The following ASPH variants were observed in gnomAD, a reference collection of about 807,000 sequenced individuals.
The protein encoded by ASPH is aspartate beta-hydroxylase.
In ASPH, 100 loss-of-function variants were observed where a neutral mutation model predicts 118.4. The observed-to-expected ratio is 0.84, with a 90% CI of 0.72 to 1.00. ASPH has a LOEUF of 1.00. Among genes scored for constraint, ASPH ranks in the 50% least tolerant of loss-of-function variants. The pLI is 0.00. For synonymous variants in ASPH, 315 were observed against 325.6 expected (o/e 0.97, Z 0.35); for missense variants, 920 against 919.5 (o/e 1.00, Z -0.01).
intron 22 of ASPH, among the ~76,000 whole-genome samples, chr8:61,525,013 C>T (rs1814735416): frequency 1.3e-5 from 2 of 152,130 alleles, no homozygotes; most frequent in Admixed American, 6.5e-5. Context: ...TGGATAGACA[C>T]TTTTCTTTAT....
At chr8:61,652,574 T>C (rs969457680) in intron 4 of ASPH, among the ~76,000 whole-genome samples, 4 of 152,236 alleles carry the variant, frequency 2.6e-5, no homozygotes, top group African/African-American at 9.6e-5. Flanking sequence ...TAGTGGATTC[T>C]TCTTTCAAAA....
At chr8:61,614,600 T>C (rs1848451474) in intron 14 of ASPH, among the ~76,000 whole-genome samples, 1 of 152,170 alleles carries the variant, frequency 6.6e-6, no homozygotes, top group Non-Finnish European at 1.5e-5. Context: ...CCCGAGTAGC[T>C]GGGACTACAG....
rs1009899778 is a variant in ASPH, at chr8:61,584,337, C to T, written c.977-308G>A. Reference sequence around the variant, plus strand: ...GGGATGTAAATGGTGGGTATGACTCCTAAACTCTCATAATCTACTTCTTGG... The same window carrying T: ...GGGATGTAAATGGTGGGTATGACTCTTAAACTCTCATAATCTACTTCTTGG... On this transcript the variant is annotated intron_variant, in intron 14 of 24. Coordinates refer to ENST00000379454, the MANE Select transcript of ASPH (RefSeq NM_004318.4). Among the ~76,000 whole-genome samples the T allele has an allele frequency of 4.5e-4, 68 of 152,318 alleles. 1 individual carries two copies. The highest frequency in any genetic ancestry group is 1.6e-3 in the African/African-American group (66 of 41,558).
chr8:61,687,616 A>ATTTATGATGAAACTT (rs1283621529), intron 1 of ASPH: 1 of 152,204 alleles, frequency 6.6e-6, no homozygotes. Flanking sequence ...GTGGGAAGTC[A>ATTTATGATGAAACTT]TTTATGATGA....
At chr8:61,693,221 G>A (rs776833500) in intron 1 of ASPH, among the ~76,000 whole-genome samples, 8 of 152,154 alleles carry the variant, frequency 5.3e-5, no homozygotes, top group Middle Eastern at 6.8e-3. Context: ...GACCTTGTTC[G>A]CCTCCATTTT....
At chr8:61,572,589 G>A (rs545797272) in intron 16 of ASPH, among the ~76,000 whole-genome samples, 33 of 152,218 alleles carry the variant, frequency 2.2e-4, no homozygotes, top group African/African-American at 7.7e-4. Flanking sequence ...CTCTTCCTCT[G>A]ATGTTTTTAC....
Position 61,643,988 on chromosome 8 carries a change from A to G in ASPH, c.666T>C (p.Cys222=). ...ACATCATCTCTTCCATATCCTGATT[A>G]CAGTCTTGTGAAACTATAAATTATG... ...YHVEETVSQD[C]NQDMEEMMSE... The change falls in exon 8 of 25, where the codon TGT becomes TGC. Residue 222 remains cysteine, a synonymous_variant. Coordinates refer to ENST00000379454, the MANE Select transcript of ASPH (RefSeq NM_004318.4). The G allele has an allele frequency of 6.2e-7, 1 of 1,610,148 alleles. No individual in the cohort carries two copies. The highest frequency in any genetic ancestry group is 8.5e-7 in the Non-Finnish European group (1 of 1,176,990).
intron 14 of ASPH, among the ~76,000 whole-genome samples, chr8:61,611,827 G>C (rs1357230589): frequency 1.3e-5 from 2 of 152,184 alleles, no homozygotes; most frequent in Non-Finnish European, 2.9e-5. Context: ...CCTGAGCAGA[G>C]ATATTAGCTG....
intron 1 of ASPH, chr8:61,684,540 C>G: frequency 5.8e-6 from 1 of 172,852 alleles, no homozygotes; most frequent in Non-Finnish European, 1.2e-5. Flanking sequence ...AAAAATGTAG[C>G]CAAATCCTTT....
intron 13 of ASPH, among the ~76,000 whole-genome samples, chr8:61,621,424 G>T (rs7005567): frequency 0.14 from 21,888 of 151,874 alleles, 1,613 homozygotes; most frequent in African/African-American, 0.19. Context: ...AGGTAAAGGA[G>T]CTTTCTGTGA....
intron 15 of ASPH, chr8:61,579,268 A>G: frequency 1.9e-6 from 3 of 1,614,148 alleles, no homozygotes; most frequent in Non-Finnish European, 2.5e-6. Flanking sequence ...AAGGATGCCA[A>G]CGCCAAGTTG....
chr8:61,681,076 G>T (rs1827807979), intron 2 of ASPH, 40 bp from the exon 3 acceptor site: 1 of 1,490,462 alleles, frequency 6.7e-7, no homozygotes, highest in Non-Finnish European at 9.1e-7. Context: ...GAATAAAAAA[G>T]AAAAGAAATT....
chr8:61,583,250 G>GTTATTA (rs35890350), intron 15 of ASPH: 2 of 149,542 alleles, frequency 1.3e-5, no homozygotes, highest in African/African-American at 4.9e-5. Context: ...ACTTGACAGT[G>GTTATTA]TTATTATTAT....
At chr8:61,515,044 AGGG>A (rs1020217206) in intron 24 of ASPH, among the ~76,000 whole-genome samples, 12 of 128,728 alleles carry the variant, frequency 9.3e-5, no homozygotes, top group Admixed American at 3.3e-4. Flanking sequence ...GAAGGAAAGA[AGGG>A]AGGGAGGGAG....
intron 20 of ASPH, among the ~76,000 whole-genome samples, chr8:61,549,276 G>A (rs1269336747): frequency 6.6e-6 from 1 of 152,068 alleles, no homozygotes; most frequent in Non-Finnish European, 1.5e-5. Flanking sequence ...CATATTTTCA[G>A]TAACACTTTA....
intron 1 of ASPH, among the ~76,000 whole-genome samples, chr8:61,705,269 C>T (rs1836305706): frequency 6.6e-6 from 1 of 151,940 alleles, no homozygotes; most frequent in Non-Finnish European, 1.5e-5. Flanking sequence ...GAGGAAGGTG[C>T]AGATCAAAAA....
Position 61,517,546 on chromosome 8 carries a change from C to G in ASPH, c.2108G>C (p.Arg703Pro), listed in dbSNP as rs770489156. 6.2e-7 allele frequency: 1 copy of G among 1,614,084 alleles called. No homozygotes were observed. The highest frequency in any genetic ancestry group is 8.5e-7 in the Non-Finnish European group (1 of 1,179,958). Residue 703 changes from arginine (R) to proline (P), a missense_variant, in exon 24 of 25, where the codon CGA becomes CCA. Arg to Pro is a moderately radical substitution (Grantham distance 103, BLOSUM62 -2). Coordinates refer to ENST00000379454, the MANE Select transcript of ASPH (RefSeq NM_004318.4). The stretch of plus-strand genomic sequence containing the variant: ...CCCATACTTGGTCTCGTTGGCACAT[C>G]GAATCTTGCAGCCTTCCTTGGGAAT... ...LVIPKEGCKI[R>P]CANETKTWEE...
At chr8:61,702,902 T>C (rs1835621034) in intron 1 of ASPH, among the ~76,000 whole-genome samples, 1 of 151,974 alleles carries the variant, frequency 6.6e-6, no homozygotes, top group Non-Finnish European at 1.5e-5. Flanking sequence ...TCCGTACTAA[T>C]CACAATTCTT....
chr8:61,566,314 T>A (rs1344989103), intron 17 of ASPH, among the ~76,000 whole-genome samples: 3 of 152,130 alleles, frequency 2.0e-5, no homozygotes, highest in African/African-American at 7.2e-5. Flanking sequence ...ATAACTAGAA[T>A]TAGAAGTGGA....
Sources: gnomAD v4.1 joint callset for allele counts (sites outside exome capture counted in the v4.1 genomes callset) on GRCh38, gnomAD v4.1.1 for gene constraint, MANE v1.5 for transcripts, NCBI Gene and HGNC (gene_info 2026-07-23, HGNC 2026-07-21) for gene names.